Variants in PLEKHH1 observed in about 807,000 individuals in gnomAD.
PLEKHH1 encodes pleckstrin homology, MyTH4 and FERM domain containing H1.
In PLEKHH1, 104 loss-of-function variants were observed where a neutral mutation model predicts 160.0. That is an observed-to-expected ratio of 0.65 (90% CI 0.55 to 0.76). PLEKHH1 has a LOEUF of 0.76. Ranked by LOEUF, PLEKHH1 falls within the 30% of genes least tolerant of loss-of-function variation. PLEKHH1 has a pLI of 0.00. For synonymous variants in PLEKHH1, 619 were observed against 678.4 expected (o/e 0.91, Z 1.36); for missense variants, 1,427 against 1,724.1 (o/e 0.83, Z 3.05).
chr14:67,564,790 G>A (rs545182579), intron 7 of PLEKHH1, among the ~76,000 whole-genome samples: 6 of 151,514 alleles, frequency 4.0e-5, no homozygotes, highest in African/African-American at 1.5e-4. Context: ...CCGGGCTCAA[G>A]CAATTCTCCC....
chr14:67,562,949 G>A, intron 7 of PLEKHH1, 55 bp downstream of exon 7: 19 of 1,545,378 alleles, frequency 1.2e-5, no homozygotes, highest in Non-Finnish European at 1.7e-5. Context: ...CAAGAACACT[G>A]CTGGCTGAGC....
chr14:67,565,954 T>G (rs1035424911), intron 7 of PLEKHH1, among the ~76,000 whole-genome samples: 1 of 152,142 alleles, frequency 6.6e-6, no homozygotes, highest in Non-Finnish European at 1.5e-5. Flanking sequence ...ACCCCATCTC[T>G]ACTAAAAATA....
chr14:67,585,578 T>C lies in PLEKHH1; in HGVS notation c.3710T>C (p.Leu1237Pro). Residue 1237 changes from leucine (L) to proline (P), a missense_variant, in exon 27 of 29, where the codon CTG (leucine) becomes CCG (proline). Coordinates refer to ENST00000329153, the MANE Select transcript of PLEKHH1 (RefSeq NM_020715.3). Reference protein sequence around the residue: ...AKLFAAQPAQLSSKENALVWI... With the variant: ...AKLFAAQPAQPSSKENALVWI... Reference sequence around the variant, plus strand: ...TTTCTGTTTCCCCAGCCTGCCCAGCTGTCTTCCAAGGAGAACGCTCTGGTG... The same window carrying C: ...TTTCTGTTTCCCCAGCCTGCCCAGCCGTCTTCCAAGGAGAACGCTCTGGTG... The C allele has an allele frequency of 6.3e-7, 1 of 1,580,438 alleles. No individual in the cohort carries two copies. Among genetic ancestry groups the C allele is most frequent in the East Asian group, 2.3e-5 (1 of 43,406 alleles).
intron 11 of PLEKHH1, among the ~76,000 whole-genome samples, chr14:67,572,671 C>A (rs1010436779): frequency 6.6e-6 from 1 of 152,206 alleles, no homozygotes. Context: ...TCCTCACAAT[C>A]CTCTTGGGGT....
intron 6 of PLEKHH1, 38 bp from the exon 7 acceptor site, chr14:67,562,098 CG>C (rs76630747): frequency 0.26 from 418,363 of 1,610,570 alleles, 55,885 homozygotes; most frequent in Non-Finnish European, 0.27. Flanking sequence ...GGCTGAGCTA[CG>C]GGAGCTCTCA....
At position 67,576,552 on chromosome 14, in the gene PLEKHH1, G is replaced by A. The variant is rs751081431; in HGVS notation, c.2461+49G>A. On this transcript the variant is annotated intron_variant, in intron 17 of 28. Transcript: ENST00000329153. The surrounding 1 kb of genome is among the most constrained non-coding windows in gnomAD (Gnocchi z 4.0). ...GCTTGGGTTGGAGGGTAGTGGCTTGGTGACTATTGGTCAAGATCCCAAAGA... is the reference window on the plus strand; with the variant it reads ...GCTTGGGTTGGAGGGTAGTGGCTTGATGACTATTGGTCAAGATCCCAAAGA... 2.2e-6 allele frequency: 2 copies of A among 906,218 alleles called. No homozygotes were observed. Among genetic ancestry groups the A allele is most frequent in the East Asian group, 2.4e-5 (1 of 41,464 alleles). The allele number at this position is 906,218 out of a possible 1,614,324, so 56.1% of individuals were successfully genotyped here.
At chr14:67,534,882 C>G (rs1244010509) in intron 1 of PLEKHH1, among the ~76,000 whole-genome samples, 1 of 152,112 alleles carries the variant, frequency 6.6e-6, no homozygotes, top group African/African-American at 2.4e-5. Context: ...TTCAGATATA[C>G]TCTGATGTAT....
rs575314486 is a variant in PLEKHH1 at position 67,589,591 on chromosome 14, G to C, written c.*2356G>C. 1 of 985,916 alleles carries C rather than the reference G, an allele frequency of 1.0e-6. No homozygotes were observed. 61.1% of individuals were successfully genotyped at this position (985,916 alleles called of 1,614,324 possible). Reference sequence around the variant, plus strand: ...ACAGTAAATAAATAAGCCCTGTACAGAACACAGGCACTAGGTTGACAGACT... The same window carrying C: ...ACAGTAAATAAATAAGCCCTGTACACAACACAGGCACTAGGTTGACAGACT... On this transcript the variant is annotated 3_prime_UTR_variant, in exon 29 of 29. Coordinates refer to ENST00000329153, the MANE Select transcript of PLEKHH1 (RefSeq NM_020715.3).
chr14:67,566,735 C>T (rs1036222332), intron 7 of PLEKHH1, among the ~76,000 whole-genome samples: 1 of 141,862 alleles, frequency 7.0e-6, no homozygotes, highest in African/African-American at 2.7e-5. Flanking sequence ...AGTGACAGAG[C>T]CAGACCCTGT....
At chr14:67,538,942 G>C (rs1285715286) in intron 1 of PLEKHH1, among the ~76,000 whole-genome samples, 1 of 152,110 alleles carries the variant, frequency 6.6e-6, no homozygotes, top group Non-Finnish European at 1.5e-5. Flanking sequence ...GATAATTTGG[G>C]TTTTCACTCT....
intron 2 of PLEKHH1, among the ~76,000 whole-genome samples, chr14:67,549,747 A>T (rs1323870297): frequency 6.6e-6 from 1 of 152,134 alleles, no homozygotes; most frequent in East Asian, 1.9e-4. Context: ...TTTGTTTTGC[A>T]TTCTGTGGCC....
At chr14:67,552,600 T>C (rs911053700) in intron 2 of PLEKHH1, among the ~76,000 whole-genome samples, 4 of 151,964 alleles carry the variant, frequency 2.6e-5, no homozygotes, top group Admixed American at 6.6e-5. Context: ...ACCCCGTCTC[T>C]TCTAAAAATA....
chr14:67,573,775 T>A lies in PLEKHH1; in HGVS notation c.1840-26T>A, dbSNP rs1256514864. 2.0e-6 allele frequency: 3 copies of A among 1,490,944 alleles called. No individual in the cohort carries two copies. The highest frequency in any genetic ancestry group is 2.8e-6 in the Non-Finnish European group (3 of 1,067,278). 92.4% of individuals were successfully genotyped at this position (1,490,944 alleles called of 1,614,324 possible). On this transcript the variant is annotated intron_variant, in intron 12 of 28. Coordinates refer to ENST00000329153, the MANE Select transcript of PLEKHH1 (RefSeq NM_020715.3). This position sits in a 1 kb window ranked among gnomAD's most constrained non-coding sequence, Gnocchi z 4.8. ...CCGGAAAGGCTCCACATTCAGTGGC[T>A]CTCCTCTCCAATACTTTCTTTACAG...
At chr14:67,562,996 A>T (rs1278622980) in intron 7 of PLEKHH1, 102 bp downstream of exon 7, 6 of 1,217,692 alleles carry the variant, frequency 4.9e-6, no homozygotes, top group Non-Finnish European at 6.7e-6. Context: ...GGCTGCTGGC[A>T]TCCTCATGGT....
At chr14:67,569,820 C>G (rs575596905) in intron 8 of PLEKHH1, 101 bp from the exon 9 acceptor site, 1 of 756,626 alleles carries the variant, frequency 1.3e-6, no homozygotes, top group South Asian at 1.5e-5. Flanking sequence ...TGTCACTGGC[C>G]TGCTCCTGGA....
chr14:67,549,788 G>T (rs1205064268), intron 2 of PLEKHH1, among the ~76,000 whole-genome samples: 1 of 152,206 alleles, frequency 6.6e-6, no homozygotes, highest in African/African-American at 2.4e-5. Flanking sequence ...GTGGTCTGTG[G>T]ACCACCACCT....
intron 2 of PLEKHH1, among the ~76,000 whole-genome samples, chr14:67,554,579 T>A (rs1342060413): frequency 6.6e-6 from 1 of 152,212 alleles, no homozygotes; most frequent in Non-Finnish European, 1.5e-5. Context: ...GAGAGCGGGA[T>A]GCATGAATTT....
chr14:67,550,544 G>C (rs991340594), intron 2 of PLEKHH1, among the ~76,000 whole-genome samples: 2 of 152,208 alleles, frequency 1.3e-5, no homozygotes, highest in Non-Finnish European at 2.9e-5. Context: ...AAAACTGGGG[G>C]TTGCAAACTC....
In PLEKHH1 at chr14:67,562,565, C is replaced by G; in HGVS notation, c.934C>G (p.Leu312Val). The change falls in exon 7 of 29, where the codon CTA (leucine) becomes GTA (valine). Residue 312 changes from leucine (L) to valine (V), a missense_variant. Physicochemically the swap from Leu to Val is conservative, Grantham distance 32. This residue lies in a region of PLEKHH1 where 831 missense variants were observed against 929.2 expected (regional missense o/e 0.89). Transcript: ENST00000329153. ...AGGTGGTCCTGGCAGCAGTCTGACCCTACCAAAGGTGCGGGCTCCTGGCAC... is the reference window on the plus strand; with the variant it reads ...AGGTGGTCCTGGCAGCAGTCTGACCGTACCAAAGGTGCGGGCTCCTGGCAC... ...REGGPGSSLT[L>V]PKVRAPGTPR... 6.2e-7 allele frequency: 1 copy of G among 1,612,060 alleles called. No individual in the cohort carries two copies. Among genetic ancestry groups the G allele is most frequent in the Non-Finnish European group, 8.5e-7 (1 of 1,178,564 alleles).
Sources: gnomAD v4.1 joint callset for allele counts (sites outside exome capture counted in the v4.1 genomes callset) on GRCh38, gnomAD v4.1.1 for gene constraint, gnomAD v4.1.1 regional missense constraint, Gnocchi (gnomAD v3.1) non-coding constraint, MANE v1.5 for transcripts, NCBI Gene and HGNC (gene_info 2026-07-23, HGNC 2026-07-21) for gene names.